Variants in ITPR1 observed in about 807,000 individuals in gnomAD.
ITPR1 encodes the protein inositol 1,4,5-trisphosphate-gated calcium channel ITPR1.
A neutral mutation model predicts 318.4 loss-of-function variants in ITPR1; 96 were observed. That is an observed-to-expected ratio of 0.30 (90% CI 0.26 to 0.36). ITPR1 has a LOEUF of 0.36. Among genes scored for constraint, ITPR1 ranks in the 10% least tolerant of loss-of-function variants. ITPR1 has a pLI of 1.00. For missense variants in ITPR1, 2,440 were observed against 3,460.2 expected (o/e 0.71, Z 7.40); for synonymous variants, 1,312 against 1,289.9 (o/e 1.02, Z -0.37).
chr3:4,757,272 C>T (rs1032485400), intron 44 of ITPR1, among the ~76,000 whole-genome samples: 3 of 152,194 alleles, frequency 2.0e-5, no homozygotes, highest in Non-Finnish European at 4.4e-5. Context: ...CATTGTGTGA[C>T]AATGGTTTTG....
At position 4,735,207 on chromosome 3, in the gene ITPR1, T is replaced by G. The variant is rs376278816; in HGVS notation, c.5397T>G (p.Ser1799Arg). The G allele has an allele frequency of 9.2e-5, 148 of 1,613,806 alleles. No homozygotes were observed. Among genetic ancestry groups the G allele is most frequent in the Non-Finnish European group, 1.2e-4 (139 of 1,179,860 alleles). Residue 1799 changes from serine to arginine, a missense_variant, in exon 44 of 62, where the codon AGT (serine) becomes AGG (arginine). By Grantham distance (110) the Ser-to-Arg change is moderately radical (BLOSUM62 -1). Coordinates refer to ENST00000649015, the MANE Select transcript of ITPR1 (RefSeq NM_001378452.1). Reference protein sequence around the residue: ...GSSSMSRGEMSLAEVQCHLDK... With the variant: ...GSSSMSRGEMRLAEVQCHLDK... ...GCTCTATGAGCAGGGGTGAGATGAG[T>G]CTGGCCGAGGTTCAGTGTCACCTTG...
chr3:4,634,586 G>A (rs1420723183), intron 5 of ITPR1, among the ~76,000 whole-genome samples: 1 of 152,080 alleles, frequency 6.6e-6, no homozygotes, highest in Non-Finnish European at 1.5e-5. Context: ...TATTTTAGGA[G>A]GAGTATTCCA....
intron 44 of ITPR1, among the ~76,000 whole-genome samples, chr3:4,753,022 G>T (rs987500950): frequency 4.0e-5 from 6 of 151,502 alleles, no homozygotes; most frequent in African/African-American, 1.2e-4. Context: ...GCCAGGGAGG[G>T]CTTCTCTGGG....
At chr3:4,626,500 G>A (rs2092832031) in intron 4 of ITPR1, among the ~76,000 whole-genome samples, 1 of 152,142 alleles carries the variant, frequency 6.6e-6, no homozygotes, top group Admixed American at 6.5e-5. Context: ...AGCTCTAAGG[G>A]AAGGGTTGGT....
intron 4 of ITPR1, among the ~76,000 whole-genome samples, chr3:4,621,140 C>T (rs115054628): frequency 0.022 from 3,294 of 152,116 alleles, 106 homozygotes; most frequent in African/African-American, 0.071. Context: ...ACTGTATTAG[C>T]GTAATGTTGT....
intron 4 of ITPR1, among the ~76,000 whole-genome samples, chr3:4,604,232 C>T (rs4684427): frequency 6.6e-6 from 1 of 151,864 alleles, no homozygotes; most frequent in African/African-American, 2.4e-5. Context: ...TGGAAGACTT[C>T]TGTGCTGGCA....
At chr3:4,554,987 G>A (rs929557666) in intron 4 of ITPR1, among the ~76,000 whole-genome samples, 2 of 152,154 alleles carry the variant, frequency 1.3e-5, no homozygotes, top group African/African-American at 2.4e-5. Context: ...GAAAGATTTC[G>A]TTACTGAGAG....
intron 39 of ITPR1, among the ~76,000 whole-genome samples, chr3:4,712,070 T>C (rs1224774890): frequency 1.3e-5 from 2 of 152,232 alleles, no homozygotes; most frequent in Non-Finnish European, 1.5e-5. Context: ...AAGTCAAATA[T>C]ACTTAGTCGT....
intron 3 of ITPR1, among the ~76,000 whole-genome samples, chr3:4,517,952 C>T (rs1037551374): frequency 7.9e-5 from 12 of 152,248 alleles, no homozygotes; most frequent in African/African-American, 2.9e-4. Flanking sequence ...GTGCCTACAT[C>T]TTCCTTAATC....
In ITPR1 at chr3:4,595,408, C is replaced by T. The variant is rs926420234; in HGVS notation, c.164-32355C>T. ...TCGTGAGAACTCACTGTCACAATAA[C>T]GGCACTAAGGTGATGGTGCGAAGCC... On this transcript the variant is annotated intron_variant, in intron 4 of 61. Transcript: ENST00000649015. Among the ~76,000 whole-genome samples, 8 of 152,134 alleles carry T rather than the reference C, an allele frequency of 5.3e-5. No homozygotes were observed. The South Asian group carries it at 6.2e-4, about 12-fold the overall frequency.
intron 46 of ITPR1, among the ~76,000 whole-genome samples, chr3:4,771,645 T>C (rs111591886): frequency 0.017 from 2,550 of 152,304 alleles, 39 homozygotes; most frequent in South Asian, 0.048. Flanking sequence ...AAGCACCTTT[T>C]AATGAAGTCC....
chr3:4,543,942 G>C (rs75755144), intron 4 of ITPR1, among the ~76,000 whole-genome samples: 3,568 of 152,244 alleles, frequency 0.023, 73 homozygotes, highest in Non-Finnish European at 0.035. Context: ...CCATGTTCTT[G>C]TCACTTCATG....
chr3:4,697,407 G>A (rs996167567), intron 34 of ITPR1, 135 bp downstream of exon 34: 11 of 759,142 alleles, frequency 1.4e-5, no homozygotes, highest in Admixed American at 1.0e-4. Context: ...ACTCTAATCC[G>A]TGGCATGAGG....
chr3:4,701,463 T>G (rs1382038410), intron 35 of ITPR1, among the ~76,000 whole-genome samples: 2 of 152,208 alleles, frequency 1.3e-5, no homozygotes, highest in African/African-American at 2.4e-5. Flanking sequence ...AGGTTTCCCC[T>G]GCCAGTTTCC....
chr3:4,631,591 G>T (rs2093016666), intron 5 of ITPR1, among the ~76,000 whole-genome samples: 1 of 151,946 alleles, frequency 6.6e-6, no homozygotes. Flanking sequence ...TTAACATTTG[G>T]GATTATGGCA....
intron 4 of ITPR1, among the ~76,000 whole-genome samples, chr3:4,547,779 C>T (rs2085166704): frequency 6.6e-6 from 1 of 152,204 alleles, no homozygotes; most frequent in Non-Finnish European, 1.5e-5. Context: ...ACCTCAAATA[C>T]ATCAAAACCA....
intron 7 of ITPR1, 48 bp from the exon 8 acceptor site, chr3:4,644,088 A>C: frequency 7.9e-7 from 1 of 1,261,192 alleles, no homozygotes; most frequent in Non-Finnish European, 1.1e-6. Flanking sequence ...GTCAATCCGC[A>C]GTCCTTATCA....
At chr3:4,669,914 G>C (rs763370236) in intron 19 of ITPR1, 141 bp downstream of exon 19, 2 of 892,616 alleles carry the variant, frequency 2.2e-6, no homozygotes, top group South Asian at 5.6e-5. Flanking sequence ...TATTGGAAAA[G>C]TCTTGATTAG....
intron 4 of ITPR1, among the ~76,000 whole-genome samples, chr3:4,561,482 A>G (rs1337570971): frequency 6.6e-6 from 1 of 152,220 alleles, no homozygotes; most frequent in Non-Finnish European, 1.5e-5. Context: ...TTGCAAATAC[A>G]TAATTTTATA....
Sources: allele counts gnomAD v4.1 joint callset (sites outside exome capture counted in the v4.1 genomes callset), GRCh38; gene constraint gnomAD v4.1.1; transcripts MANE v1.5; gene names NCBI Gene and HGNC (gene_info 2026-07-23, HGNC 2026-07-21).